SLX4IP: variants seen among roughly 807,000 people sequenced by gnomAD.
The protein encoded by SLX4IP is SLX4 interacting protein.
A neutral mutation model predicts 32.9 loss-of-function variants in SLX4IP; 34 were observed. The observed-to-expected ratio is 1.03, with a 90% confidence interval of 0.79 to 1.38. The LOEUF is 1.38. SLX4IP is among the 40% of genes most tolerant of loss of function. The pLI is 0.00. For missense variants in SLX4IP, 444 were observed against 479.0 expected, an observed-to-expected ratio of 0.93 and a Z score of 0.68; for synonymous variants, 172 against 171.7, an observed-to-expected ratio of 1.00 and a Z score of -0.01.
chr20:10,575,865 G>A (rs1344377392), intron 4 of SLX4IP, among the ~76,000 whole-genome samples: 1 of 151,992 alleles, frequency 6.6e-6, no homozygotes, highest in Non-Finnish European at 1.5e-5. Flanking sequence ...AAGCTGGAAG[G>A]AGAAAATGGA....
Position 10,533,519 on chromosome 20 carries a change from T to C in SLX4IP, c.28-22712T>C, listed in dbSNP as rs1011683148. On this transcript the variant is annotated intron_variant, in intron 2 of 7. Transcript: ENST00000334534. ...TTTTAGTAGAGGCGGGGTTTTACCA[T>C]GTTGGTGAGGCTGGTCTCAAACTCC... Among the ~76,000 whole-genome samples the C allele has an allele frequency of 2.0e-5, 3 of 152,120 alleles. No individual in the cohort carries two copies. In the East Asian group the frequency reaches 5.8e-4, roughly 29 times the overall value.
At chr20:10,616,127 C>T (rs1600159880) in intron 6 of SLX4IP, among the ~76,000 whole-genome samples, 1 of 152,242 alleles carries the variant, frequency 6.6e-6, no homozygotes, top group East Asian at 1.9e-4. Flanking sequence ...GTTATTTAAA[C>T]CAAAGATTGT....
intron 2 of SLX4IP, among the ~76,000 whole-genome samples, chr20:10,526,081 A>C (rs1273593849): frequency 1.3e-5 from 2 of 151,838 alleles, no homozygotes; most frequent in Non-Finnish European, 2.9e-5. Context: ...TTCCGGTCTC[A>C]CCTTCCCCCA....
chr20:10,609,827 C>A (rs778857303), intron 6 of SLX4IP, among the ~76,000 whole-genome samples: 3 of 152,118 alleles, frequency 2.0e-5, no homozygotes, highest in Non-Finnish European at 4.4e-5. Context: ...AGTGGCCCAA[C>A]TCTGCCTTGG....
chr20:10,592,622 C>CTTT lies in SLX4IP; in HGVS notation c.239-6025_239-6023dup, dbSNP rs33995611. ...GCTTGAAAGCACACGTATTCTTCATCTTTTTTTTTTTTTTTTTTTTTTTTT... is the reference window on the plus strand; with the variant it reads ...GCTTGAAAGCACACGTATTCTTCATCTTTTTTTTTTTTTTTTTTTTTTTTTTTT... On this transcript the variant is annotated intron_variant, in intron 4 of 7. Transcript: ENST00000334534. 1.9e-3 allele frequency among the ~76,000 whole-genome samples: 107 copies of CTTT among 55,182 alleles called. 4 individuals are homozygous for CTTT. The highest frequency in any genetic ancestry group is 2.2e-3 in the Non-Finnish European group (73 of 33,118). The allele number at this position is 55,182 out of a possible 152,430, so 36.2% of individuals were successfully genotyped here.
At chr20:10,610,933 C>T (rs1026404074) in intron 6 of SLX4IP, among the ~76,000 whole-genome samples, 2 of 152,310 alleles carry the variant, frequency 1.3e-5, no homozygotes, top group South Asian at 2.1e-4. Flanking sequence ...GTGGCTTCTG[C>T]GCAGCCATTT....
At chr20:10,560,587 A>G (rs751117152) in intron 3 of SLX4IP, 113 bp from the exon 4 acceptor site, 59 of 820,546 alleles carry the variant, frequency 7.2e-5, no homozygotes, top group Non-Finnish European at 9.9e-5. Flanking sequence ...CAACATTCAC[A>G]GCTAAATTAA....
chr20:10,545,884 A>C (rs1436739494), intron 2 of SLX4IP, among the ~76,000 whole-genome samples: 1 of 152,214 alleles, frequency 6.6e-6, no homozygotes, highest in Non-Finnish European at 1.5e-5. Context: ...GAATATTTAC[A>C]GGGGTTTTCT....
intron 2 of SLX4IP, among the ~76,000 whole-genome samples, chr20:10,473,426 T>G (rs225146): frequency 0.96 from 146,361 of 152,308 alleles, 70,392 homozygotes; most frequent in African/African-American, 0.99. Flanking sequence ...ATAAAAGGAT[T>G]CGTATAAAGT....
At chr20:10,580,031 A>G (rs535620450) in intron 4 of SLX4IP, among the ~76,000 whole-genome samples, 213 of 152,154 alleles carry the variant, frequency 1.4e-3, no homozygotes, top group African/African-American at 4.9e-3. Flanking sequence ...AAATTTCTTG[A>G]CTCTAATTGT....
At chr20:10,593,721 G>A (rs1381924405) in intron 4 of SLX4IP, among the ~76,000 whole-genome samples, 1 of 151,986 alleles carries the variant, frequency 6.6e-6, no homozygotes, top group Non-Finnish European at 1.5e-5. Flanking sequence ...GGGCAACACA[G>A]CAAGACCCTG....
chr20:10,489,638 C>T (rs1380627647), intron 2 of SLX4IP, among the ~76,000 whole-genome samples: 3 of 152,160 alleles, frequency 2.0e-5, no homozygotes, highest in African/African-American at 4.8e-5. Context: ...CTCTCCTCAA[C>T]GTGCTAGCAC....
chr20:10,590,344 G>T (rs1170226811), intron 4 of SLX4IP, among the ~76,000 whole-genome samples: 1 of 151,494 alleles, frequency 6.6e-6, no homozygotes, highest in Admixed American at 6.6e-5. Context: ...TTTTATTTAT[G>T]TATGTATTTA....
At chr20:10,468,925 G>C (rs1401366783) in intron 2 of SLX4IP, among the ~76,000 whole-genome samples, 1 of 152,076 alleles carries the variant, frequency 6.6e-6, no homozygotes, top group African/African-American at 2.4e-5. Context: ...CACAGACCTT[G>C]AATAATCTAA....
chr20:10,476,518 T>G (rs2065476301), intron 2 of SLX4IP, among the ~76,000 whole-genome samples: 1 of 152,198 alleles, frequency 6.6e-6, no homozygotes, highest in Non-Finnish European at 1.5e-5. Flanking sequence ...AATGATTACA[T>G]TTTTAAAGGT....
Position 10,598,712 on chromosome 20 carries a change from A to C in SLX4IP, c.276A>C (p.Arg92Ser). The C allele has an allele frequency of 6.2e-7, 1 of 1,614,132 alleles. No individual in the cohort carries two copies. Among genetic ancestry groups the C allele is most frequent in the Non-Finnish European group, 8.5e-7 (1 of 1,180,008 alleles). Reference sequence around the variant, plus strand: ...AAATCACAGCCTATTTCCTCAAGAGAGGGATACGCCTTCGCTGCATCAGGA... The same window carrying C: ...AAATCACAGCCTATTTCCTCAAGAGCGGGATACGCCTTCGCTGCATCAGGA... The part of the protein sequence containing the change: ...GFQITAYFLK[R>S]GIRLRCIRST... The change falls in exon 5 of 8, where the codon AGA becomes AGC. Residue 92 changes from arginine to serine, a missense_variant. Coordinates refer to ENST00000334534, the MANE Select transcript of SLX4IP (RefSeq NM_001009608.3).
intron 4 of SLX4IP, among the ~76,000 whole-genome samples, chr20:10,567,968 C>A (rs1377883529): frequency 6.6e-6 from 1 of 152,174 alleles, no homozygotes; most frequent in Admixed American, 6.5e-5. Flanking sequence ...GAAGCTATTG[C>A]CTTTTCAGGT....
intron 4 of SLX4IP, among the ~76,000 whole-genome samples, chr20:10,574,712 T>A (rs2066504409): frequency 6.6e-6 from 1 of 152,146 alleles, no homozygotes; most frequent in Non-Finnish European, 1.5e-5. Flanking sequence ...AGTTTCACTC[T>A]TGTTGCCCAG....
chr20:10,456,368 G>A (rs1334525708), intron 1 of SLX4IP, among the ~76,000 whole-genome samples: 1 of 152,266 alleles, frequency 6.6e-6, no homozygotes, highest in African/African-American at 2.4e-5. Flanking sequence ...TTCAGACGGA[G>A]TCTTGCTCTG....
Sources: allele counts gnomAD v4.1 joint callset (sites outside exome capture counted in the v4.1 genomes callset), GRCh38; gene constraint gnomAD v4.1.1; transcripts MANE v1.5; gene names NCBI Gene and HGNC (gene_info 2026-07-23, HGNC 2026-07-21).